Variants in ZFYVE9 observed in about 807,000 individuals in gnomAD.
ZFYVE9 encodes zinc finger FYVE-type containing 9.
In ZFYVE9, 43 loss-of-function variants were observed where a neutral mutation model predicts 126.7. The ratio of observed to expected loss-of-function variants is 0.34; its 90% CI spans 0.27 to 0.44. The LOEUF (loss-of-function observed/expected upper bound fraction) is 0.44, where lower values mean the gene tolerates loss of function less well. ZFYVE9 is among the 20% of genes least tolerant of loss of function. ZFYVE9 has a pLI of 1.00. For missense variants in ZFYVE9, 1,476 were observed against 1,697.0 expected (o/e 0.87, Z 2.29); for synonymous variants, 521 against 597.4 (o/e 0.87, Z 1.87).
intron 2 of ZFYVE9, among the ~76,000 whole-genome samples, chr1:52,231,536 G>A (rs575779963): frequency 4.6e-5 from 7 of 152,018 alleles, no homozygotes; most frequent in East Asian, 1.9e-4. Flanking sequence ...ATAATTCACA[G>A]ATTATGTAGC....
In ZFYVE9 at chr1:52,251,285, T is replaced by C. The variant is rs1166515631; in HGVS notation, c.2178+11690T>C. 2.0e-5 allele frequency among the ~76,000 whole-genome samples: 3 copies of C among 152,292 alleles called. No homozygotes were observed. The South Asian group carries it at 6.2e-4, about 32-fold the overall frequency. ...CAGGGTTTCACCATGTTGGCCAGGC[T>C]AGCTTTCGGTCTTTTACCAGTGCAT... is the stretch of plus-strand genomic sequence containing the variant. On this transcript the variant is annotated intron_variant, in intron 4 of 18. Transcript: ENST00000287727.
At chr1:52,338,774 G>C (rs914536312) in intron 16 of ZFYVE9, among the ~76,000 whole-genome samples, 3 of 152,202 alleles carry the variant, frequency 2.0e-5, no homozygotes, top group African/African-American at 7.2e-5. Flanking sequence ...CACTTTGGGA[G>C]GCTGAGGCAG....
chr1:52,243,740 C>T (rs1372984050), intron 4 of ZFYVE9, among the ~76,000 whole-genome samples: 3 of 150,902 alleles, frequency 2.0e-5, no homozygotes, highest in African/African-American at 7.3e-5. Context: ...GCCAGAGTGA[C>T]AGAGCTGAGA....
intron 6 of ZFYVE9, among the ~76,000 whole-genome samples, chr1:52,267,506 A>C (rs1178782304): frequency 6.6e-6 from 1 of 152,158 alleles, no homozygotes; most frequent in Non-Finnish European, 1.5e-5. Flanking sequence ...GATCTTATCA[A>C]GTTTCCCTTG....
At chr1:52,163,675 A>G (rs932147393) in intron 1 of ZFYVE9, among the ~76,000 whole-genome samples, 15 of 152,268 alleles carry the variant, frequency 9.9e-5, no homozygotes, top group South Asian at 2.1e-4. Flanking sequence ...AAATGGCCAC[A>G]TCCAAATCAT....
chr1:52,281,135 CTTTT>C (rs539866378), intron 9 of ZFYVE9, among the ~76,000 whole-genome samples: 1 of 137,224 alleles, frequency 7.3e-6, no homozygotes, highest in Non-Finnish European at 1.6e-5. Context: ...CTTTTCTTTT[CTTTT>C]TTTTTTTTTT....
chr1:52,182,146 C>T (rs1455922258), intron 1 of ZFYVE9, among the ~76,000 whole-genome samples: 19 of 151,870 alleles, frequency 1.3e-4, no homozygotes, highest in East Asian at 9.8e-4. Context: ...GCCCCCCGCC[C>T]GGCCAGCTGC....
intron 11 of ZFYVE9, among the ~76,000 whole-genome samples, chr1:52,294,518 G>C (rs1000273817): frequency 8.6e-5 from 13 of 152,016 alleles, no homozygotes; most frequent in African/African-American, 3.1e-4. Context: ...CTGAATCCTG[G>C]GAATTCTGAA....
chr1:52,318,731 C>T (rs1569746694), intron 13 of ZFYVE9, among the ~76,000 whole-genome samples: 2 of 151,860 alleles, frequency 1.3e-5, no homozygotes, highest in African/African-American at 2.4e-5. Context: ...TTAGCAAAGT[C>T]GTGAGATTAT....
chr1:52,199,322 C>G (rs1045383057), intron 1 of ZFYVE9, among the ~76,000 whole-genome samples: 1 of 152,068 alleles, frequency 6.6e-6, no homozygotes, highest in African/African-American at 2.4e-5. Flanking sequence ...CTCGGCTTCC[C>G]GAAGTGCTGG....
At chr1:52,173,769 G>C (rs915714945) in intron 1 of ZFYVE9, among the ~76,000 whole-genome samples, 1 of 152,146 alleles carries the variant, frequency 6.6e-6, no homozygotes, top group Non-Finnish European at 1.5e-5. Flanking sequence ...ATTTCTTCTA[G>C]ATTTTCTAGT....
At chr1:52,151,411 A>T (rs1644355236) in intron 1 of ZFYVE9, among the ~76,000 whole-genome samples, 1 of 152,042 alleles carries the variant, frequency 6.6e-6, no homozygotes, top group Non-Finnish European at 1.5e-5. Context: ...CACATTGATG[A>T]TTCAAACTTA....
At chr1:52,152,812 T>C (rs1644369591) in intron 1 of ZFYVE9, among the ~76,000 whole-genome samples, 1 of 152,220 alleles carries the variant, frequency 6.6e-6, no homozygotes, top group African/African-American at 2.4e-5. Flanking sequence ...TGTAAAGAGC[T>C]AAGTACATAG....
At chr1:52,234,062 TG>T (rs1645250151) in intron 3 of ZFYVE9, among the ~76,000 whole-genome samples, 1 of 152,192 alleles carries the variant, frequency 6.6e-6, no homozygotes, top group Non-Finnish European at 1.5e-5. Flanking sequence ...ATTATAGGCA[TG>T]AGCCACCACG....
intron 5 of ZFYVE9, among the ~76,000 whole-genome samples, chr1:52,265,009 A>T (rs1030398055): frequency 8.5e-5 from 13 of 152,348 alleles, no homozygotes; most frequent in African/African-American, 3.1e-4. Context: ...CTGCTTAATT[A>T]TAGTACCTAA....
At chr1:52,156,097 A>G (rs962377992) in intron 1 of ZFYVE9, among the ~76,000 whole-genome samples, 1 of 152,196 alleles carries the variant, frequency 6.6e-6, no homozygotes, top group East Asian at 1.9e-4. Flanking sequence ...ATTATGATAG[A>G]GTGGAGTTAA....
At position 52,179,960 on chromosome 1, in the gene ZFYVE9, G is replaced by T. The variant is rs116694082; in HGVS notation, c.-142-36409G>T. On this transcript the variant is annotated intron_variant, in intron 1 of 18. Coordinates refer to ENST00000287727, the MANE Select transcript of ZFYVE9 (RefSeq NM_004799.4). ...AAGATGAGCAGCGCATCCTCCAGCAGTCAGTCGTGACAACATAGGAAGATA... is the reference window on the plus strand; with the variant it reads ...AAGATGAGCAGCGCATCCTCCAGCATTCAGTCGTGACAACATAGGAAGATA... 40 of 1,063,354 alleles carry T rather than the reference G, an allele frequency of 3.8e-5. No homozygotes were observed. In the African/African-American group the frequency reaches 5.4e-4, roughly 14 times the overall value. The allele number at this position is 1,063,354 out of a possible 1,614,324, so 65.9% of individuals were successfully genotyped here. A position where few individuals can be genotyped will look rare whatever the true frequency, so the allele number is the denominator to read the frequency against.
intron 10 of ZFYVE9, among the ~76,000 whole-genome samples, chr1:52,292,469 C>CT (rs1159852399): frequency 0.06 from 6,147 of 102,010 alleles, 501 homozygotes; most frequent in African/African-American, 0.15. Context: ...CTGAACATTT[C>CT]TTTTTTTTTT....
At chr1:52,335,557 A>G (rs773828257) in intron 15 of ZFYVE9, among the ~76,000 whole-genome samples, 12 of 152,190 alleles carry the variant, frequency 7.9e-5, no homozygotes, top group Admixed American at 6.5e-5. Context: ...GACTTTTTAC[A>G]TGGTGGTTCA....
Sources: gnomAD v4.1 joint callset for allele counts (sites outside exome capture counted in the v4.1 genomes callset) on GRCh38, gnomAD v4.1.1 for gene constraint, MANE v1.5 for transcripts, NCBI Gene and HGNC (gene_info 2026-07-23, HGNC 2026-07-21) for gene names.